ADAMTS15: variants seen among roughly 807,000 people sequenced by gnomAD.
The protein encoded by ADAMTS15 is A disintegrin and metalloproteinase with thrombospondin motifs 15.
Under a neutral mutation model 79.1 loss-of-function variants are expected in ADAMTS15, and 35 were observed. The observed-to-expected ratio is 0.44, with a 90% CI of 0.34 to 0.59. The LOEUF (loss-of-function observed/expected upper bound fraction) is 0.59. Among genes scored for constraint, ADAMTS15 ranks in the 20% least tolerant of loss-of-function variants. The pLI, the probability that ADAMTS15 is intolerant of heterozygous loss-of-function variation, is 0.02. For missense variants in ADAMTS15, 1,324 were observed against 1,318.7 expected (o/e 1.00, Z -0.06); for synonymous variants, 616 against 567.3 (o/e 1.09, Z -1.22).
chr11:130,473,824 G>T lies in ADAMTS15; in HGVS notation c.*3G>T. On this transcript the variant is annotated 3_prime_UTR_variant, in exon 8 of 8. Transcript: ENST00000299164. ...TCTGCGTCCTGAGGCCGTGCTGAGT[G>T]GGGTCATCGCTTTCTCCCCCTCACT... 1.3e-6 allele frequency: 2 copies of T among 1,588,278 alleles called. No individual in the cohort carries two copies. Among genetic ancestry groups the T allele is most frequent in the African/African-American group, 2.7e-5 (2 of 74,830 alleles).
Position 130,449,193 on chromosome 11 carries a change from T to A in ADAMTS15, c.220T>A (p.Phe74Ile), listed in dbSNP as rs749395510. The A allele has an allele frequency of 1.2e-5, 19 of 1,613,930 alleles. No individual in the cohort carries two copies. The highest frequency in any genetic ancestry group is 1.6e-5 in the Non-Finnish European group (19 of 1,179,836). The part of the protein sequence containing the change: ...FYLHLTPDAQ[F>I]LAPAFSTEHL... ...CCTACACCTGACGCCGGATGCTCAG[T>A]TCTTGGCTCCCGCCTTCTCCACTGA... The change falls in exon 1 of 8, where the codon TTC becomes ATC. Residue 74 changes from phenylalanine to isoleucine, a missense_variant. Transcript: ENST00000299164. The surrounding 1 kb of genome is among the most constrained non-coding windows in gnomAD (Gnocchi z 7.8).
chr11:130,462,178 C>A lies in ADAMTS15; in HGVS notation c.1182C>A (p.Leu394=). The A allele has an allele frequency of 1.2e-6, 2 of 1,614,232 alleles. No homozygotes were observed. The highest frequency in any genetic ancestry group is 1.7e-6 in the Non-Finnish European group (2 of 1,180,048). Reference sequence around the variant, plus strand: ...CCAACCACATGATGTCCCCGACCCTCATCCAGATCGACCGTGCCAACCCCT... The same window carrying A: ...CCAACCACATGATGTCCCCGACCCTAATCCAGATCGACCGTGCCAACCCCT... ...LRANHMMSPT[L]IQIDRANPWS... The change falls in exon 3 of 8, where the codon CTC becomes CTA. Residue 394 remains leucine, a synonymous_variant. Transcript: ENST00000299164. The surrounding 1 kb of genome is among the most constrained non-coding windows in gnomAD (Gnocchi z 4.3).
At chr11:130,450,433 C>G in intron 1 of ADAMTS15, 1 of 985,456 alleles carries the variant, frequency 1.0e-6, no homozygotes. Context: ...ACGTTGTCCC[C>G]TCTCTGTACT....
rs556276574 is a variant in ADAMTS15 at position 130,454,994 on chromosome 11, C to T, written c.957+5064C>T. Among the ~76,000 whole-genome samples, 14 of 152,116 alleles carry T rather than the reference C, an allele frequency of 9.2e-5. No homozygotes were observed. In the South Asian group the frequency reaches 1.2e-3, roughly 14 times the overall value. ...TTTCCTTGACACCTTGACTCGATCACGTGGCATGATGGAAAGAACACAGGC... is the reference window on the plus strand; with the variant it reads ...TTTCCTTGACACCTTGACTCGATCATGTGGCATGATGGAAAGAACACAGGC... On this transcript the variant is annotated intron_variant, in intron 1 of 7. Coordinates refer to ENST00000299164, the MANE Select transcript of ADAMTS15 (RefSeq NM_139055.4).
intron 4 of ADAMTS15, among the ~76,000 whole-genome samples, chr11:130,464,896 G>A (rs1938269900): frequency 6.6e-6 from 1 of 151,632 alleles, no homozygotes; most frequent in African/African-American, 2.4e-5. Flanking sequence ...GAACACGGGA[G>A]GCAGAGGTTG....
chr11:130,460,091 A>G (rs1938168472), intron 1 of ADAMTS15, among the ~76,000 whole-genome samples: 1 of 152,206 alleles, frequency 6.6e-6, no homozygotes, highest in Non-Finnish European at 1.5e-5. Flanking sequence ...ATGATGAACT[A>G]TAGGCATGAG....
At position 130,473,570 on chromosome 11, in the gene ADAMTS15, G is replaced by A. The variant is rs775853836; in HGVS notation, c.2602G>A (p.Gly868Ser). The A allele has an allele frequency of 6.9e-6, 11 of 1,602,566 alleles. No homozygotes were observed. The Admixed American group carries it at 1.7e-4, about 25-fold the overall frequency. The change falls in exon 8 of 8, where the codon GGC (glycine) becomes AGC (serine). Residue 868 changes from glycine (G) to serine (S), a missense_variant. Gly to Ser is a moderately conservative substitution (Grantham distance 56). Coordinates refer to ENST00000299164, the MANE Select transcript of ADAMTS15 (RefSeq NM_139055.4). ...GLQKRAVDCR[G>S]SAGQRTVPAC... Reference sequence around the variant, plus strand: ...GCAGAAGCGGGCGGTGGACTGCCGGGGCTCCGCCGGGCAGCGCACGGTCCC... The same window carrying A: ...GCAGAAGCGGGCGGTGGACTGCCGGAGCTCCGCCGGGCAGCGCACGGTCCC...
At chr11:130,455,770 G>A (rs1592144493) in intron 1 of ADAMTS15, among the ~76,000 whole-genome samples, 1 of 152,188 alleles carries the variant, frequency 6.6e-6, no homozygotes, top group Non-Finnish European at 1.5e-5. Flanking sequence ...GGGCAGGGAC[G>A]GGGTCAGTGT....
chr11:130,475,795 T>C lies in ADAMTS15; in HGVS notation c.*1974T>C, dbSNP rs1001168286. The C allele has an allele frequency of 3.9e-5, 6 of 152,326 alleles. No individual in the cohort carries two copies. The South Asian group carries it at 8.3e-4, about 21-fold the overall frequency. 9.4% of individuals were successfully genotyped at this position (152,326 alleles called of 1,614,324 possible). The stretch of plus-strand genomic sequence containing the variant: ...CAGGGTACCAGGCAGAAGCAGATCC[T>C]TGATAGCTGACGACAGCACTGCGCC... On this transcript the variant is annotated 3_prime_UTR_variant, in exon 8 of 8. Transcript: ENST00000299164.
At chr11:130,468,174 G>A (rs1275431057) in intron 4 of ADAMTS15, among the ~76,000 whole-genome samples, 1 of 152,204 alleles carries the variant, frequency 6.6e-6, no homozygotes, top group Non-Finnish European at 1.5e-5. Flanking sequence ...GCGTGGTGCT[G>A]GGAATTTTCG....
At chr11:130,464,276 C>G (rs1369924726) in intron 4 of ADAMTS15, among the ~76,000 whole-genome samples, 1 of 152,212 alleles carries the variant, frequency 6.6e-6, no homozygotes. Flanking sequence ...CATCTTTCCA[C>G]ACTTTCTGGA....
rs568540701 is a variant in ADAMTS15 at position 130,470,784 on chromosome 11, A to C, written c.1721-136A>C. 19 of 968,520 alleles carry C rather than the reference A, an allele frequency of 2.0e-5. No homozygotes were observed. In the South Asian group the frequency reaches 2.9e-4, roughly 15 times the overall value. 60.0% of individuals were successfully genotyped at this position (968,520 alleles called of 1,614,324 possible). ...GCCCAGCCTGCTTTAGTGCTTTCAG[A>C]TGGGGGGAGGTTGCAGCTTTGGTGA... On this transcript the variant is annotated intron_variant, in intron 5 of 7. Coordinates refer to ENST00000299164, the MANE Select transcript of ADAMTS15 (RefSeq NM_139055.4).
chr11:130,471,333 G>A lies in ADAMTS15; in HGVS notation c.2028G>A (p.Gly676=), dbSNP rs1239256145. 6.2e-7 allele frequency: 1 copy of A among 1,612,228 alleles called. No individual in the cohort carries two copies. The change falls in exon 7 of 8, where the codon GGG becomes GGA. Residue 676 remains glycine (G), a synonymous_variant. Transcript: ENST00000299164. ...GATTCGACAAGTGTGGGGTGTGTGG[G>A]GGAGACAATAAGAGCTGCAAGAAGG... The part of the protein sequence containing the change: ...KKRFDKCGVC[G]GDNKSCKKVT...
At chr11:130,470,134 A>G (rs1192549386) in intron 5 of ADAMTS15, among the ~76,000 whole-genome samples, 10 of 71,024 alleles carry the variant, frequency 1.4e-4, no homozygotes, top group African/African-American at 6.3e-4. Flanking sequence ...ATATATATAC[A>G]TATATATATA....
chr11:130,462,334 T>G lies in ADAMTS15; in HGVS notation c.1258+80T>G. The G allele has an allele frequency of 6.6e-7, 1 of 1,520,548 alleles. No individual in the cohort carries two copies. The highest frequency in any genetic ancestry group is 8.8e-7 in the Non-Finnish European group (1 of 1,131,170). 94.2% of individuals were successfully genotyped at this position (1,520,548 alleles called of 1,614,324 possible). On this transcript the variant is annotated intron_variant, in intron 3 of 7. Transcript: ENST00000299164. The surrounding 1 kb of genome is among the most constrained non-coding windows in gnomAD (Gnocchi z 4.3). ...TGCCCCTGGTGGAGGTGCTCACTTCTCCGTCCTCTGTACATTAGGTGTGTG... is the reference window on the plus strand; with the variant it reads ...TGCCCCTGGTGGAGGTGCTCACTTCGCCGTCCTCTGTACATTAGGTGTGTG...
At position 130,449,019 on chromosome 11, in the gene ADAMTS15, G is replaced by T. The variant is rs556060919; in HGVS notation, c.46G>T (p.Ala16Ser). The T allele has an allele frequency of 6.6e-6, 10 of 1,515,314 alleles. No individual in the cohort carries two copies. In the South Asian group the frequency reaches 1.1e-4, roughly 16 times the overall value. The allele number at this position is 1,515,314 out of a possible 1,614,324, so 93.9% of individuals were successfully genotyped here. The part of the protein sequence containing the change: ...ILTLAFAGRT[A>S]GGSEPEREVV... ...AACCCTGGCTTTCGCCGGGCGAACC[G>T]CTGGAGGCTCTGAGCCAGAGCGGGA... The change falls in exon 1 of 8, where the codon GCT (alanine) becomes TCT (serine). Residue 16 changes from alanine to serine, a missense_variant. Coordinates refer to ENST00000299164, the MANE Select transcript of ADAMTS15 (RefSeq NM_139055.4). This position sits in a 1 kb window ranked among gnomAD's most constrained non-coding sequence, Gnocchi z 7.8.
chr11:130,462,582 C>G lies in ADAMTS15; in HGVS notation c.1344C>G (p.Cys448Trp), dbSNP rs376836072. 14 of 1,613,660 alleles carry G rather than the reference C, an allele frequency of 8.7e-6. No individual in the cohort carries two copies. The highest frequency in any genetic ancestry group is 1.2e-5 in the Non-Finnish European group (14 of 1,179,808). ...CCAGCTACACCCTGAGCCAGCAGTG[C>G]GAGCTGGCTTTTGGCGTGGGCTCCA... ...PGASYTLSQQ[C>W]ELAFGVGSKP... Residue 448 changes from cysteine (C) to tryptophan (W), a missense_variant, in exon 4 of 8, where the codon TGC becomes TGG. Cys to Trp is a radical substitution (Grantham distance 215). Coordinates refer to ENST00000299164, the MANE Select transcript of ADAMTS15 (RefSeq NM_139055.4). The surrounding 1 kb of genome is among the most constrained non-coding windows in gnomAD (Gnocchi z 4.3).
In ADAMTS15 at chr11:130,475,494, T is replaced by C. The variant is rs1230736907; in HGVS notation, c.*1673T>C. Reference sequence around the variant, plus strand: ...AGTGGAGAATTTTCTGGAGCTAAGATCAAAGCATGTGTCTTCCTGGGAGAG... The same window carrying C: ...AGTGGAGAATTTTCTGGAGCTAAGACCAAAGCATGTGTCTTCCTGGGAGAG... On this transcript the variant is annotated 3_prime_UTR_variant, in exon 8 of 8. Transcript: ENST00000299164. 5 of 152,202 alleles carry C rather than the reference T, an allele frequency of 3.3e-5. No homozygotes were observed. The highest frequency in any genetic ancestry group is 3.3e-4 in the Admixed American group (5 of 15,274). The allele number at this position is 152,202 out of a possible 1,614,324, so 9.4% of individuals were successfully genotyped here. A position where few individuals can be genotyped will look rare whatever the true frequency, so the allele number is the denominator to read the frequency against.
chr11:130,456,968 C>T (rs1046306631), intron 1 of ADAMTS15, among the ~76,000 whole-genome samples: 7 of 152,204 alleles, frequency 4.6e-5, no homozygotes, highest in South Asian at 2.1e-4. Flanking sequence ...TGCGGTGGCT[C>T]ATGCCTGTAA....
Sources: allele counts gnomAD v4.1 joint callset (sites outside exome capture counted in the v4.1 genomes callset), GRCh38; gene constraint gnomAD v4.1.1; non-coding constraint Gnocchi (gnomAD v3.1); transcripts MANE v1.5; gene names NCBI Gene and HGNC (gene_info 2026-07-23, HGNC 2026-07-21).